CNTLN: variants seen among roughly 807,000 people sequenced by gnomAD.
CNTLN encodes the protein centlein, centrosomal protein.
Under a neutral mutation model 180.0 loss-of-function variants are expected in CNTLN, and 212 were observed. That is an observed-to-expected ratio of 1.18 (90% CI 1.05 to 1.32). The LOEUF (loss-of-function observed/expected upper bound fraction) is 1.32. CNTLN is among the 40% of genes most tolerant of loss of function. The pLI, the probability that CNTLN is intolerant of heterozygous loss-of-function variation, is 0.00. For synonymous variants in CNTLN, 722 were observed against 563.1 expected (o/e 1.28, Z -3.99); for missense variants, 2,095 against 1,610.9 (o/e 1.30, Z -5.14).
intron 14 of CNTLN, among the ~76,000 whole-genome samples, chr9:17,389,909 C>A (rs1825965653): frequency 1.3e-5 from 2 of 151,954 alleles, no homozygotes; most frequent in South Asian, 4.1e-4. Flanking sequence ...TAAAGTAAGG[C>A]TATTAGGGTG....
intron 2 of CNTLN, among the ~76,000 whole-genome samples, chr9:17,218,959 C>T (rs1228076709): frequency 6.6e-6 from 1 of 152,040 alleles, no homozygotes; most frequent in Non-Finnish European, 1.5e-5. Flanking sequence ...AATAATTTCT[C>T]AGATTTTTGA....
chr9:17,272,541 G>T (rs570607104), intron 5 of CNTLN, among the ~76,000 whole-genome samples: 28 of 152,228 alleles, frequency 1.8e-4, no homozygotes, highest in Admixed American at 6.5e-4. Flanking sequence ...TGGTACCTCA[G>T]TCTGGAGCTA....
chr9:17,360,084 T>G (rs942070427), intron 12 of CNTLN, among the ~76,000 whole-genome samples: 1 of 152,180 alleles, frequency 6.6e-6, no homozygotes, highest in Non-Finnish European at 1.5e-5. Flanking sequence ...AATATAGATA[T>G]CCATCTAAGG....
At chr9:17,514,410 A>G in the CNTLN span, among the ~76,000 whole-genome samples, 18 of 152,230 alleles carry the variant, frequency 1.2e-4, no homozygotes, top group Non-Finnish European at 2.4e-4. Context: ...CAGCAGGACC[A>G]GATGACTTTA....
At chr9:17,210,955 C>A (rs200175561) in intron 2 of CNTLN, among the ~76,000 whole-genome samples, 1 of 151,790 alleles carries the variant, frequency 6.6e-6, no homozygotes, top group Non-Finnish European at 1.5e-5. Context: ...CTGGATATTA[C>A]CCCTTTGTCA....
chr9:17,450,525 C>A (rs933025253), intron 18 of CNTLN, among the ~76,000 whole-genome samples: 1 of 152,144 alleles, frequency 6.6e-6, no homozygotes, highest in Admixed American at 6.5e-5. Context: ...AGACTCTGCA[C>A]TGACAGAGTG....
intron 1 of CNTLN, among the ~76,000 whole-genome samples, chr9:17,136,380 A>G (rs1172266802): frequency 6.6e-6 from 1 of 152,200 alleles, no homozygotes; most frequent in East Asian, 1.9e-4. Context: ...CCCAGGCTGG[A>G]GTGCAGTGGT....
At chr9:17,212,524 G>A (rs1450005879) in intron 2 of CNTLN, among the ~76,000 whole-genome samples, 2 of 151,990 alleles carry the variant, frequency 1.3e-5, no homozygotes, top group African/African-American at 4.8e-5. Context: ...CTCCTTTTTT[G>A]TTGTGTCTCT....
intron 12 of CNTLN, among the ~76,000 whole-genome samples, chr9:17,365,274 G>C (rs913836105): frequency 2.0e-5 from 3 of 152,102 alleles, no homozygotes; most frequent in Non-Finnish European, 4.4e-5. Context: ...TTTTCCTCCT[G>C]TTCCAGCCAT....
chr9:17,414,897 C>T (rs1587932449), intron 16 of CNTLN, among the ~76,000 whole-genome samples: 1 of 152,214 alleles, frequency 6.6e-6, no homozygotes. Flanking sequence ...TGAAACCAGC[C>T]TAGACAGTAT....
downstream of CNTLN, among the ~76,000 whole-genome samples, chr9:17,507,708 A>T (rs1030624788): frequency 6.6e-6 from 1 of 152,182 alleles, no homozygotes; most frequent in Non-Finnish European, 1.5e-5. Context: ...TTTTTAAAAA[A>T]GCTTCGACTT....
intron 5 of CNTLN, 123 bp from the exon 6 acceptor site, chr9:17,273,610 A>G: frequency 1.9e-6 from 1 of 516,958 alleles, no homozygotes. Context: ...AATTATTTTA[A>G]GTAAGTGAAA....
chr9:17,204,487 G>C (rs553736885), intron 2 of CNTLN, among the ~76,000 whole-genome samples: 1 of 152,234 alleles, frequency 6.6e-6, no homozygotes, highest in South Asian at 2.1e-4. Flanking sequence ...GCTTGGCTGG[G>C]TATCACCAGC....
intron 5 of CNTLN, among the ~76,000 whole-genome samples, chr9:17,272,332 C>T (rs2132504027): frequency 6.6e-6 from 1 of 152,186 alleles, no homozygotes; most frequent in East Asian, 1.9e-4. Context: ...GCCTCAGCCT[C>T]CTAAAGTGCT....
chr9:17,502,675 G>A lies in CNTLN; in HGVS notation c.*23G>A, dbSNP rs765602016. On this transcript the variant is annotated 3_prime_UTR_variant, in exon 26 of 26. Coordinates refer to ENST00000380647, the MANE Select transcript of CNTLN (RefSeq NM_017738.4). The stretch of plus-strand genomic sequence containing the variant: ...TGATATTAAAATGGAGAGCTTTATT[G>A]CAAATGTGAAAACTTTTTATGTGGT... 2.0e-6 allele frequency: 2 copies of A among 1,001,114 alleles called. No individual in the cohort carries two copies. The highest frequency in any genetic ancestry group is 2.9e-6 in the Non-Finnish European group (2 of 693,880). The allele number at this position is 1,001,114 out of a possible 1,614,324, so 62.0% of individuals were successfully genotyped here.
chr9:17,332,063 A>G (rs1286301912), intron 9 of CNTLN, among the ~76,000 whole-genome samples: 2 of 152,108 alleles, frequency 1.3e-5, no homozygotes, highest in Non-Finnish European at 2.9e-5. Flanking sequence ...GAAGCTGTAC[A>G]TAATATAAAC....
At chr9:17,440,450 G>C (rs191788145) in intron 18 of CNTLN, among the ~76,000 whole-genome samples, 1 of 150,352 alleles carries the variant, frequency 6.7e-6, no homozygotes, top group Non-Finnish European at 1.5e-5. Flanking sequence ...TGAGCCGGGC[G>C]TAGTGGCAGG....
intron 18 of CNTLN, among the ~76,000 whole-genome samples, chr9:17,442,110 A>G (rs1486488807): frequency 6.6e-6 from 1 of 152,190 alleles, no homozygotes; most frequent in African/African-American, 2.4e-5. Flanking sequence ...ACTTTCAACA[A>G]TGGATAGAAC....
intron 2 of CNTLN, among the ~76,000 whole-genome samples, chr9:17,200,215 G>A (rs567104863): frequency 5.8e-4 from 88 of 152,146 alleles, no homozygotes; most frequent in Non-Finnish European, 1.0e-3. Flanking sequence ...TTTGGTACCC[G>A]TACCATGCTG....
Sources: gnomAD v4.1 joint callset for allele counts (sites outside exome capture counted in the v4.1 genomes callset) on GRCh38, gnomAD v4.1.1 for gene constraint, MANE v1.5 for transcripts, NCBI Gene and HGNC (gene_info 2026-07-23, HGNC 2026-07-21) for gene names.